FHOD3: variants seen among roughly 807,000 people sequenced by gnomAD.
FHOD3 encodes the protein formin homology 2 domain containing 3, also known as FH1/FH2 domain-containing protein 3.
Under a neutral mutation model 173.0 loss-of-function variants are expected in FHOD3, and 90 were observed. The ratio of observed to expected loss-of-function variants is 0.52; its 90% CI spans 0.44 to 0.62. The LOEUF (loss-of-function observed/expected upper bound fraction) is 0.62, where lower values mean the gene tolerates loss of function less well. Ranked by LOEUF, FHOD3 falls within the 20% of genes least tolerant of loss-of-function variation. The pLI is 0.00. For synonymous variants in FHOD3, 828 were observed against 823.0 expected, an observed-to-expected ratio of 1.01 and a Z score of -0.10; for missense variants, 1,945 against 2,034.7, an observed-to-expected ratio of 0.96 and a Z score of 0.85.
intron 14 of FHOD3, among the ~76,000 whole-genome samples, chr18:36,668,538 G>A (rs186378843): frequency 7.4e-4 from 112 of 151,874 alleles, no homozygotes; most frequent in African/African-American, 2.4e-3. Flanking sequence ...CTCACTTTGT[G>A]TAAAATTTGC....
chr18:36,614,840 A>ATTTT (rs751719654), intron 9 of FHOD3, among the ~76,000 whole-genome samples: 2 of 86,196 alleles, frequency 2.3e-5, no homozygotes, highest in Non-Finnish European at 4.5e-5. Flanking sequence ...TTTTTAATTG[A>ATTTT]TTTTTTTTTT....
At chr18:36,635,566 C>G (rs1322645173) in intron 10 of FHOD3, among the ~76,000 whole-genome samples, 1 of 152,070 alleles carries the variant, frequency 6.6e-6, no homozygotes, top group Admixed American at 6.6e-5. Context: ...CAGGGAGGTG[C>G]TGAGAATGCA....
chr18:36,697,287 A>G (rs2039338669), intron 17 of FHOD3, among the ~76,000 whole-genome samples: 1 of 152,154 alleles, frequency 6.6e-6, no homozygotes, highest in Non-Finnish European at 1.5e-5. Flanking sequence ...CCTTCTCTAG[A>G]GAGCTAGAAC....
intron 2 of FHOD3, among the ~76,000 whole-genome samples, chr18:36,359,826 G>C (rs1261974355): frequency 6.6e-6 from 1 of 152,172 alleles, no homozygotes; most frequent in African/African-American, 2.4e-5. Context: ...TTGTTTCGAA[G>C]TAAAATATGA....
At chr18:36,395,442 A>G (rs2048511109) in intron 3 of FHOD3, among the ~76,000 whole-genome samples, 1 of 152,162 alleles carries the variant, frequency 6.6e-6, no homozygotes, top group Non-Finnish European at 1.5e-5. Flanking sequence ...TTCACCATCA[A>G]TCTTTATGTT....
chr18:36,656,608 A>G (rs911488329), intron 13 of FHOD3, among the ~76,000 whole-genome samples: 1 of 152,120 alleles, frequency 6.6e-6, no homozygotes, highest in Non-Finnish European at 1.5e-5. Flanking sequence ...TCATCTCTCT[A>G]TTCTTTTTTA....
At chr18:36,369,498 C>CACACATAT (rs1555682884) in intron 2 of FHOD3, among the ~76,000 whole-genome samples, 12 of 95,988 alleles carry the variant, frequency 1.3e-4, no homozygotes, top group Admixed American at 3.6e-4. Context: ...CACACACACA[C>CACACATAT]ATATATATAG....
chr18:36,762,959 C>T (rs969003519), intron 27 of FHOD3, among the ~76,000 whole-genome samples: 50 of 111,310 alleles, frequency 4.5e-4, no homozygotes, highest in African/African-American at 1.4e-3. Context: ...GTATTATATA[C>T]GTTATATATG....
At chr18:36,480,147 T>G (rs2053804483) in intron 3 of FHOD3, among the ~76,000 whole-genome samples, 1 of 152,164 alleles carries the variant, frequency 6.6e-6, no homozygotes, top group Non-Finnish European at 1.5e-5. Flanking sequence ...TATAAGACGG[T>G]TTATCCCTTA....
At chr18:36,665,126 T>C (rs544538119) in intron 14 of FHOD3, among the ~76,000 whole-genome samples, 6 of 152,308 alleles carry the variant, frequency 3.9e-5, no homozygotes, top group Admixed American at 1.3e-4. Context: ...GATCACTGAA[T>C]GTTTGTTTTC....
intron 10 of FHOD3, among the ~76,000 whole-genome samples, chr18:36,635,863 T>C (rs1262310777): frequency 1.3e-5 from 2 of 152,200 alleles, no homozygotes; most frequent in Non-Finnish European, 2.9e-5. Flanking sequence ...TGTACAGAAC[T>C]TTCATCTCAT....
At chr18:36,571,427 T>G (rs2058448609) in intron 5 of FHOD3, among the ~76,000 whole-genome samples, 1 of 152,224 alleles carries the variant, frequency 6.6e-6, no homozygotes, top group African/African-American at 2.4e-5. Context: ...GTTAGAAGAT[T>G]CAGCAGAGTA....
chr18:36,356,108 A>C lies in FHOD3; in HGVS notation c.272+463A>C, dbSNP rs146896110. Among the ~76,000 whole-genome samples the C allele has an allele frequency of 6.0e-3, 913 of 152,318 alleles. 5 individuals carry two copies. Among genetic ancestry groups the C allele is most frequent in the Non-Finnish European group, 0.011 (762 of 68,018 alleles). On this transcript the variant is annotated intron_variant, in intron 2 of 28. Transcript: ENST00000590592. The stretch of plus-strand genomic sequence containing the variant: ...CAAGACCTTGTCTCTAAAAGTGAAT[A>C]AATAAATGGATATTTTCCAGATTTT...
intron 19 of FHOD3, among the ~76,000 whole-genome samples, chr18:36,727,048 G>A (rs1009443415): frequency 2.0e-5 from 3 of 152,014 alleles, no homozygotes; most frequent in African/African-American, 4.8e-5. Flanking sequence ...AGCAGGAGGC[G>A]AGTGCTGGGC....
rs373479317 is a variant in FHOD3 at position 36,299,732 on chromosome 18, T to G, written c.165+1732T>G. Among the ~76,000 whole-genome samples, 13 of 152,260 alleles carry G rather than the reference T, an allele frequency of 8.5e-5. 1 individual carries two copies. The South Asian group carries it at 1.5e-3, about 17-fold the overall frequency. On this transcript the variant is annotated intron_variant, in intron 1 of 28. Transcript: ENST00000590592. ...AGCAGTTGCACTGGCTTGCAGAACT[T>G]TCTAAGGTGTCCCTTATGGAATGAA...
chr18:36,590,336 A>G (rs75166625), intron 6 of FHOD3, among the ~76,000 whole-genome samples: 3,281 of 152,254 alleles, frequency 0.022, 129 homozygotes, highest in African/African-American at 0.075. Flanking sequence ...TTCCAGATAC[A>G]TGAGGGCATC....
At chr18:36,448,278 CT>C (rs2051614400) in intron 3 of FHOD3, among the ~76,000 whole-genome samples, 1 of 152,200 alleles carries the variant, frequency 6.6e-6, no homozygotes, top group South Asian at 2.1e-4. Flanking sequence ...TCTGTATTTT[CT>C]GTGTAGGTTC....
chr18:36,435,320 A>C (rs1010222570), intron 3 of FHOD3, among the ~76,000 whole-genome samples: 1 of 152,126 alleles, frequency 6.6e-6, no homozygotes, highest in African/African-American at 2.4e-5. Flanking sequence ...AGTGCTAATG[A>C]AGGGAGAAGA....
chr18:36,754,872 A>T (rs1421907467), intron 24 of FHOD3, among the ~76,000 whole-genome samples: 1 of 151,702 alleles, frequency 6.6e-6, no homozygotes, highest in Non-Finnish European at 1.5e-5. Context: ...TGGGAAAGTG[A>T]GTTGAACTTC....
Sources: allele counts gnomAD v4.1 joint callset (sites outside exome capture counted in the v4.1 genomes callset), GRCh38; gene constraint gnomAD v4.1.1; transcripts MANE v1.5; gene names NCBI Gene and HGNC (gene_info 2026-07-23, HGNC 2026-07-21).